MCPH1: variants seen among roughly 807,000 people sequenced by gnomAD.
MCPH1 encodes the protein microcephalin.
A neutral mutation model predicts 84.5 loss-of-function variants in MCPH1; 104 were observed. That is an observed-to-expected ratio of 1.23 (90% CI 1.05 to 1.45). The LOEUF is 1.45. MCPH1 is among the 40% of genes most tolerant of loss of function. The pLI, the probability that MCPH1 is intolerant of heterozygous loss-of-function variation, is 0.00. For synonymous variants in MCPH1, 514 were observed against 366.8 expected (o/e 1.40, Z -4.58); for missense variants, 1,498 against 1,005.7 (o/e 1.49, Z -6.62).
intron 12 of MCPH1, among the ~76,000 whole-genome samples, chr8:6,536,504 T>C (rs1820526835): frequency 6.6e-6 from 1 of 152,066 alleles, no homozygotes; most frequent in Admixed American, 6.5e-5. Context: ...CACCCCTCAG[T>C]GGAGGGCCAT....
chr8:6,611,234 C>T (rs1830236507), intron 12 of MCPH1, among the ~76,000 whole-genome samples: 1 of 152,152 alleles, frequency 6.6e-6, no homozygotes, highest in Admixed American at 6.5e-5. Context: ...AGCTGAGTGT[C>T]CTACAATCCA....
intron 12 of MCPH1, among the ~76,000 whole-genome samples, chr8:6,542,067 T>G (rs1424775247): frequency 1.3e-5 from 2 of 152,038 alleles, no homozygotes; most frequent in East Asian, 3.8e-4. Flanking sequence ...CAGTTAAAAT[T>G]TAGCTCTAGG....
intron 11 of MCPH1, among the ~76,000 whole-genome samples, chr8:6,482,371 C>G (rs527705693): frequency 4.6e-5 from 7 of 152,198 alleles, no homozygotes; most frequent in Non-Finnish European, 1.0e-4. Context: ...TCAGAACTAT[C>G]CACAGTTTTA....
chr8:6,621,425 C>T (rs765092063), intron 12 of MCPH1, 29 bp from the exon 13 acceptor site: 21 of 1,612,962 alleles, frequency 1.3e-5, no homozygotes, highest in Non-Finnish European at 1.7e-5. Context: ...GGTCCCACCT[C>T]TGTAATTCTA....
At chr8:6,457,637 C>T (rs1554497403) in intron 9 of MCPH1, among the ~76,000 whole-genome samples, 1 of 151,998 alleles carries the variant, frequency 6.6e-6, no homozygotes, top group Non-Finnish European at 1.5e-5. Flanking sequence ...ATTTTCTGGC[C>T]CCACCTGAGA....
chr8:6,477,755 A>G (rs1405162831), intron 10 of MCPH1, 124 bp downstream of exon 10: 3 of 783,010 alleles, frequency 3.8e-6, no homozygotes, highest in Non-Finnish European at 6.6e-6. Flanking sequence ...TTATAAAATT[A>G]ATATCTGAGT....
intron 11 of MCPH1, chr8:6,494,066 G>C (rs1473129329): frequency 6.6e-6 from 1 of 152,046 alleles, no homozygotes; most frequent in Non-Finnish European, 1.5e-5. Context: ...TCAGCCTCTT[G>C]AGTAGCTGGG....
rs191450884 is a variant in MCPH1, at chr8:6,430,058, C to G, written c.234-1441C>G. Among the ~76,000 whole-genome samples the G allele has an allele frequency of 4.1e-3, 620 of 152,336 alleles. 2 individuals carry two copies. Among genetic ancestry groups the G allele is most frequent in the Non-Finnish European group, 7.3e-3 (494 of 68,038 alleles). On this transcript the variant is annotated intron_variant, in intron 3 of 13. Coordinates refer to ENST00000344683, the MANE Select transcript of MCPH1 (RefSeq NM_024596.5). ...GCTGCACTGTGCTTGAGTCTATGCT[C>G]TGCTTCCAGATGGAAGATCTGTGTC...
chr8:6,492,975 A>T (rs1242697459), intron 11 of MCPH1, among the ~76,000 whole-genome samples: 1 of 152,164 alleles, frequency 6.6e-6, no homozygotes, highest in Non-Finnish European at 1.5e-5. Flanking sequence ...TGAACAAAAA[A>T]TAGTGATTGC....
At chr8:6,461,101 C>T (rs974382810) in intron 9 of MCPH1, among the ~76,000 whole-genome samples, 1 of 152,056 alleles carries the variant, frequency 6.6e-6, no homozygotes, top group Admixed American at 6.6e-5. Flanking sequence ...TTGCAAAAGA[C>T]ACACTAAACA....
At position 6,513,769 on chromosome 8, in the gene MCPH1, C is replaced by T. The variant is rs768375694; in HGVS notation, c.2214+13840C>T. On this transcript the variant is annotated intron_variant, in intron 12 of 13. Transcript: ENST00000344683. ...CAGTCTTTAAGGTGTATTTTAAGCA[C>T]ATAGCGTTGCTGATTAGTCAGTTGC... The T allele has an allele frequency of 6.8e-6, 11 of 1,613,914 alleles. No individual in the cohort carries two copies. The South Asian group carries it at 8.8e-5, about 13-fold the overall frequency.
intron 13 of MCPH1, among the ~76,000 whole-genome samples, chr8:6,630,137 G>C (rs1199401423): frequency 6.6e-6 from 1 of 152,174 alleles, no homozygotes; most frequent in African/African-American, 2.4e-5. Context: ...AGAAATAAAA[G>C]AGGCAATACC....
At chr8:6,558,899 C>T (rs1229001740) in intron 12 of MCPH1, among the ~76,000 whole-genome samples, 2 of 152,042 alleles carry the variant, frequency 1.3e-5, no homozygotes, top group African/African-American at 4.8e-5. Context: ...TATACATATA[C>T]ATATCGCATA....
chr8:6,439,722 G>T (rs746888384), intron 6 of MCPH1, among the ~76,000 whole-genome samples: 1 of 152,042 alleles, frequency 6.6e-6, no homozygotes, highest in Non-Finnish European at 1.5e-5. Context: ...TCTTTTGAAG[G>T]AATTTGCTTT....
chr8:6,473,073 T>G (rs903858936), intron 9 of MCPH1, among the ~76,000 whole-genome samples: 1 of 152,180 alleles, frequency 6.6e-6, no homozygotes, highest in Non-Finnish European at 1.5e-5. Context: ...CTTTGGAATC[T>G]AAGCCAATTA....
chr8:6,614,133 C>G (rs1339278260), intron 12 of MCPH1, among the ~76,000 whole-genome samples: 1 of 152,192 alleles, frequency 6.6e-6, no homozygotes, highest in African/African-American at 2.4e-5. Flanking sequence ...AGGTTAGACT[C>G]CTAAAAATGT....
At chr8:6,510,237 G>A (rs1333445143) in intron 12 of MCPH1, among the ~76,000 whole-genome samples, 1 of 151,720 alleles carries the variant, frequency 6.6e-6, no homozygotes, top group African/African-American at 2.4e-5. Flanking sequence ...GTTCAGGACA[G>A]ATCAGAGCAG....
At chr8:6,634,064 C>A (rs1586884623) in intron 13 of MCPH1, among the ~76,000 whole-genome samples, 1 of 151,972 alleles carries the variant, frequency 6.6e-6, no homozygotes, top group African/African-American at 2.4e-5. Context: ...ATGTGATGAG[C>A]AGAAGTTAAT....
intron 12 of MCPH1, among the ~76,000 whole-genome samples, chr8:6,617,817 T>C (rs1404289928): frequency 1.3e-5 from 2 of 152,114 alleles, no homozygotes; most frequent in Non-Finnish European, 1.5e-5. Flanking sequence ...GCGGAAACTA[T>C]AGGCATGTGA....
Sources: allele counts gnomAD v4.1 joint callset (sites outside exome capture counted in the v4.1 genomes callset), GRCh38; gene constraint gnomAD v4.1.1; transcripts MANE v1.5; gene names NCBI Gene and HGNC (gene_info 2026-07-23, HGNC 2026-07-21).